The following DACH1 variants were observed in gnomAD, a reference collection of about 807,000 sequenced individuals.
The protein encoded by DACH1 is dachshund family transcription factor 1.
In DACH1, 12 loss-of-function variants were observed where a neutral mutation model predicts 54.2. The observed-to-expected ratio is 0.22, with a 90% CI of 0.14 to 0.36. DACH1 has a LOEUF of 0.36. Among genes scored for constraint, DACH1 ranks in the 10% least tolerant of loss-of-function variants. The pLI, the probability that DACH1 is intolerant of heterozygous loss-of-function variation, is 1.00. For missense variants in DACH1, 805 were observed against 929.8 expected, an observed-to-expected ratio of 0.87 and a Z score of 1.75; for synonymous variants, 386 against 366.2, an observed-to-expected ratio of 1.05 and a Z score of -0.62.
chr13:71,692,647 G>A lies in DACH1; in HGVS notation c.849-10737C>T, dbSNP rs1163716254. Among the ~76,000 whole-genome samples the A allele has an allele frequency of 2.0e-5, 3 of 147,536 alleles. No homozygotes were observed. In the Admixed American group the frequency reaches 2.1e-4, roughly 10 times the overall value. ...AAGCGATTCTTCTGCCTCAGCCTCC[G>A]AAGTAGTTGGGACTACAGGCGTGCA... On this transcript the variant is annotated intron_variant, in intron 1 of 10. Coordinates refer to ENST00000613252, the MANE Select transcript of DACH1 (RefSeq NM_080759.6).
chr13:71,761,932 T>C (rs1420816369), intron 1 of DACH1, among the ~76,000 whole-genome samples: 2 of 152,142 alleles, frequency 1.3e-5, no homozygotes, highest in Non-Finnish European at 2.9e-5. Flanking sequence ...TTTATATTAA[T>C]AAACTATCAA....
chr13:71,866,327 C>T lies in DACH1; in HGVS notation c.443G>A (p.Ser148Asn). The part of the protein sequence containing the change: ...TGSSSSSSSS[S>N]SSSSSSSSSS... ...GCTGCTACTACTGCTGCTGCTGCTG[C>T]TGCTGCTACTGCTGCTGCTGCTGCT... Residue 148 changes from serine (S) to asparagine (N), a missense_variant, in exon 1 of 11, where the codon AGC (serine) becomes AAC (asparagine). Around this residue, in one of 3 missense-constraint regions of DACH1, gnomAD observed 305 missense variants for 308.7 expected, o/e 0.99. Coordinates refer to ENST00000613252, the MANE Select transcript of DACH1 (RefSeq NM_080759.6). 6.5e-7 allele frequency: 1 copy of T among 1,539,960 alleles called. No individual in the cohort carries two copies.
chr13:71,556,879 AAT>A, intron 6 of DACH1, 143 bp downstream of exon 6: 2 of 821,370 alleles, frequency 2.4e-6, no homozygotes, highest in Non-Finnish European at 1.7e-6. Flanking sequence ...GAATAGGTTT[AAT>A]TTGTACTTAA....
In DACH1 at chr13:71,448,824, G is replaced by GTTT. The variant is rs11422735; in HGVS notation, c.2084-8135_2084-8133dup. Among the ~76,000 whole-genome samples, 161 of 145,626 alleles carry GTTT rather than the reference G, an allele frequency of 1.1e-3. 3 individuals carry two copies. The highest frequency in any genetic ancestry group is 3.2e-3 in the African/African-American group (126 of 39,658). ...TGAAAAAGTAGTAACAGATTCTGTG[G>GTTT]TTTTTTTTTTTTTTCAAGGTTGTAA... is the stretch of plus-strand genomic sequence containing the variant. On this transcript the variant is annotated intron_variant, in intron 10 of 10. Transcript: ENST00000613252.
chr13:71,488,974 T>C (rs543517543), intron 7 of DACH1, 23 bp downstream of exon 7: 1 of 1,605,106 alleles, frequency 6.2e-7, no homozygotes, highest in African/African-American at 1.3e-5. Flanking sequence ...TATGTCTTTC[T>C]TCCAGGTTGT....
chr13:71,515,065 C>T (rs1881058882), intron 6 of DACH1, among the ~76,000 whole-genome samples: 1 of 151,808 alleles, frequency 6.6e-6, no homozygotes, highest in African/African-American at 2.4e-5. Flanking sequence ...CTTTGCCTAC[C>T]TTTCCTTTGA....
At chr13:71,640,299 A>G (rs1877802997) in intron 2 of DACH1, among the ~76,000 whole-genome samples, 1 of 151,976 alleles carries the variant, frequency 6.6e-6, no homozygotes, top group Non-Finnish European at 1.5e-5. Context: ...CCACTTAGAA[A>G]TCTGATCTAA....
chr13:71,806,184 G>A (rs1034981834), intron 1 of DACH1, among the ~76,000 whole-genome samples: 14 of 152,134 alleles, frequency 9.2e-5, no homozygotes, highest in Non-Finnish European at 2.9e-5. Context: ...TTCCTAAAGA[G>A]ATATATTCTT....
intron 2 of DACH1, among the ~76,000 whole-genome samples, chr13:71,642,622 T>G (rs1427352623): frequency 6.6e-6 from 1 of 152,180 alleles, no homozygotes; most frequent in East Asian, 1.9e-4. Flanking sequence ...CAGTTCAAAT[T>G]TATAAGGTGA....
chr13:71,770,214 C>T (rs542329837), intron 1 of DACH1, among the ~76,000 whole-genome samples: 6 of 150,774 alleles, frequency 4.0e-5, no homozygotes, highest in East Asian at 3.9e-4. Flanking sequence ...TCCTTGCCTT[C>T]GTACGTTTTC....
At chr13:71,572,256 C>T (rs1016241530) in intron 4 of DACH1, among the ~76,000 whole-genome samples, 217 of 152,104 alleles carry the variant, frequency 1.4e-3, no homozygotes, top group African/African-American at 5.1e-3. Context: ...CACAAACATA[C>T]ACACACAGAT....
intron 1 of DACH1, among the ~76,000 whole-genome samples, chr13:71,865,026 C>A (rs962079100): frequency 1.3e-5 from 2 of 152,126 alleles, no homozygotes; most frequent in African/African-American, 2.4e-5. Context: ...CGAGAGAGAG[C>A]GCGCTCCGTG....
intron 1 of DACH1, among the ~76,000 whole-genome samples, chr13:71,691,813 T>C (rs1453845862): frequency 6.6e-6 from 1 of 152,178 alleles, no homozygotes; most frequent in Admixed American, 6.5e-5. Flanking sequence ...TGGTCTATTT[T>C]GGGAAATACA....
intron 3 of DACH1, chr13:71,573,413 C>T (rs773858709): frequency 2.0e-5 from 14 of 716,102 alleles, no homozygotes; most frequent in Middle Eastern, 2.3e-4. Context: ...AGAATGCCAT[C>T]GTACCATTTG....
At chr13:71,615,626 C>T (rs1875702374) in intron 3 of DACH1, among the ~76,000 whole-genome samples, 1 of 152,076 alleles carries the variant, frequency 6.6e-6, no homozygotes, top group Non-Finnish European at 1.5e-5. Flanking sequence ...CTGAGCTTGA[C>T]ACAGGCTCAG....
At chr13:71,544,911 G>T (rs1323742106) in intron 6 of DACH1, among the ~76,000 whole-genome samples, 1 of 151,928 alleles carries the variant, frequency 6.6e-6, no homozygotes, top group Non-Finnish European at 1.5e-5. Flanking sequence ...AACCCAGCAA[G>T]CAGATCAGAT....
chr13:71,577,928 T>C (rs548630081), intron 3 of DACH1, among the ~76,000 whole-genome samples: 334 of 152,310 alleles, frequency 2.2e-3, no homozygotes, highest in Non-Finnish European at 3.6e-3. Context: ...TATTTGTTCA[T>C]TTCATTCCTA....
chr13:71,766,710 GA>G (rs1336594623), intron 1 of DACH1, among the ~76,000 whole-genome samples: 1 of 152,042 alleles, frequency 6.6e-6, no homozygotes, highest in Non-Finnish European at 1.5e-5. Context: ...TGTAAGCACT[GA>G]AAATTAATAT....
At chr13:71,783,075 C>T (rs955455886) in intron 1 of DACH1, among the ~76,000 whole-genome samples, 1 of 152,122 alleles carries the variant, frequency 6.6e-6, no homozygotes. Context: ...AAAGGCATTG[C>T]TTCAAAAGAC....
Sources: allele counts gnomAD v4.1 joint callset (sites outside exome capture counted in the v4.1 genomes callset), GRCh38; gene constraint gnomAD v4.1.1; regional missense constraint gnomAD v4.1.1; transcripts MANE v1.5; gene names NCBI Gene and HGNC (gene_info 2026-07-23, HGNC 2026-07-21).